The following PCDHA7 variants were observed in gnomAD, a reference collection of about 807,000 sequenced individuals.
PCDHA7 encodes the protein protocadherin alpha-7.
PCDHA7 carries 37 observed loss-of-function variants against 57.2 expected under a neutral mutation model. The ratio of observed to expected loss-of-function variants is 0.65; its 90% CI spans 0.50 to 0.85. PCDHA7 has a LOEUF of 0.85. Ranked by LOEUF, PCDHA7 falls within the 40% of genes least tolerant of loss-of-function variation. The pLI, the probability that PCDHA7 is intolerant of heterozygous loss-of-function variation, is 0.00. For synonymous variants in PCDHA7, 553 were observed against 558.8 expected (o/e 0.99, Z 0.15); for missense variants, 1,188 against 1,241.8 (o/e 0.96, Z 0.65).
chr5:140,870,391 G>A lies in PCDHA7; in HGVS notation c.2355+33653G>A. 1.9e-6 allele frequency: 3 copies of A among 1,614,230 alleles called. No homozygotes were observed. Among genetic ancestry groups the A allele is most frequent in the East Asian group, 2.2e-5 (1 of 44,872 alleles). The stretch of plus-strand genomic sequence containing the variant: ...ACTGGTGGTGACTGCGCGGGATGGG[G>A]GTTCGCCTTCTCTGTGGGCCACGGC... On this transcript the variant is annotated intron_variant, in intron 1 of 3. Transcript: ENST00000525929.
Position 140,848,325 on chromosome 5 carries a change from T to C in PCDHA7, c.2355+11587T>C, listed in dbSNP as rs1279729115. On this transcript the variant is annotated intron_variant, in intron 1 of 3. Transcript: ENST00000525929. Reference sequence around the variant, plus strand: ...TGTCACTCTTTGCCGCGATGTTCTCTCTGAATCCAGACAAATACAGCCCTT... The same window carrying C: ...TGTCACTCTTTGCCGCGATGTTCTCCCTGAATCCAGACAAATACAGCCCTT... The C allele has an allele frequency of 5.0e-6, 4 of 803,094 alleles. 1 individual carries two copies. The highest frequency in any genetic ancestry group is 2.0e-6 in the Non-Finnish European group (1 of 498,510). The allele number at this position is 803,094 out of a possible 1,614,324, so 49.7% of individuals were successfully genotyped here. A position where few individuals can be genotyped will look rare whatever the true frequency, so the allele number is the denominator to read the frequency against.
intron 1 of PCDHA7, among the ~76,000 whole-genome samples, chr5:140,951,423 C>T (rs1324305371): frequency 6.6e-6 from 1 of 152,014 alleles, no homozygotes; most frequent in Non-Finnish European, 1.5e-5. Flanking sequence ...CTCACAGTTC[C>T]ACAGGCTGTA....
chr5:140,985,430 A>T lies in PCDHA7; in HGVS notation c.2503+2867A>T, dbSNP rs1158797076. ...GGAAATGGAGTGAGGAGGATTTATT[A>T]GTTGCTGCCTGAAGAAAAGGGAAAT... On this transcript the variant is annotated intron_variant, in intron 3 of 3. Transcript: ENST00000525929. Among the ~76,000 whole-genome samples the T allele has an allele frequency of 2.6e-5, 4 of 152,186 alleles. 1 individual carries two copies. Among genetic ancestry groups the T allele is most frequent in the Non-Finnish European group, 5.9e-5 (4 of 68,036 alleles).
intron 1 of PCDHA7, chr5:140,883,991 G>C: frequency 6.2e-7 from 1 of 1,612,972 alleles, no homozygotes; most frequent in South Asian, 1.1e-5. Flanking sequence ...CAGCGCGGGA[G>C]GCACAGTGAG....
intron 1 of PCDHA7, among the ~76,000 whole-genome samples, chr5:140,976,011 CTAAA>C (rs2096695708): frequency 6.6e-6 from 1 of 152,110 alleles, no homozygotes; most frequent in African/African-American, 2.4e-5. Context: ...TATTAAAGAA[CTAAA>C]TAATCACAGT....
intron 1 of PCDHA7, among the ~76,000 whole-genome samples, chr5:140,975,613 A>G (rs1482474647): frequency 1.3e-5 from 2 of 152,226 alleles, no homozygotes; most frequent in Non-Finnish European, 2.9e-5. Context: ...TGTCTTCCAC[A>G]TGGATTTCCA....
At chr5:140,941,321 T>C (rs1220701599) in intron 1 of PCDHA7, among the ~76,000 whole-genome samples, 5 of 62,540 alleles carry the variant, frequency 8.0e-5, no homozygotes, top group African/African-American at 2.0e-4. Context: ...TTCTTTCTCT[T>C]TTTTTTTTTT....
intron 1 of PCDHA7, chr5:140,842,164 T>A (rs1246524333): frequency 1.3e-5 from 21 of 1,613,778 alleles, no homozygotes; most frequent in Non-Finnish European, 1.6e-5. Context: ...CATATTCTTT[T>A]AATAGCCTTG....
intron 1 of PCDHA7, chr5:140,927,033 G>A (rs2083768533): frequency 1.2e-6 from 2 of 1,612,344 alleles, no homozygotes; most frequent in Non-Finnish European, 1.7e-6. Flanking sequence ...GGCTGCCAGC[G>A]GCCGCTATGT....
chr5:140,842,564 C>A (rs781893579), intron 1 of PCDHA7: 1 of 1,500,320 alleles, frequency 6.7e-7, no homozygotes, highest in South Asian at 1.2e-5. Flanking sequence ...CGCCCTGGAC[C>A]GCGAGAGAGT....
At chr5:140,928,928 C>T in intron 1 of PCDHA7, 3 of 1,614,130 alleles carry the variant, frequency 1.9e-6, no homozygotes, top group Non-Finnish European at 2.5e-6. Context: ...CAGCTTTCTG[C>T]CCAGAACTTG....
At chr5:140,882,643 C>T in intron 1 of PCDHA7, 1 of 1,614,190 alleles carries the variant, frequency 6.2e-7, no homozygotes, top group Non-Finnish European at 8.5e-7. Context: ...AGGTGAGGGA[C>T]ATTAACGACA....
In PCDHA7 at chr5:140,848,677, C is replaced by A. The variant is rs142354028; in HGVS notation, c.2355+11939C>A. 4.6e-4 allele frequency: 738 copies of A among 1,592,248 alleles called. 63 individuals carry two copies. The East Asian group carries it at 6.0e-3, about 13-fold the overall frequency. ...GGGCTGGAGCTGGCGGAGCTGGTGC[C>A]GCGCCTGTTCCAGTTGGATTCCAAA... On this transcript the variant is annotated intron_variant, in intron 1 of 3. Transcript: ENST00000525929.
intron 1 of PCDHA7, among the ~76,000 whole-genome samples, chr5:140,903,921 G>C (rs1282440912): frequency 6.6e-6 from 1 of 152,198 alleles, no homozygotes; most frequent in African/African-American, 2.4e-5. Flanking sequence ...CTTCCTTGCT[G>C]CATTGGATAA....
intron 1 of PCDHA7, among the ~76,000 whole-genome samples, chr5:140,839,484 G>A (rs1263127603): frequency 1.3e-5 from 2 of 151,800 alleles, no homozygotes; most frequent in African/African-American, 4.8e-5. Context: ...CTGCCTCCTG[G>A]GCTCAAGTGA....
At chr5:140,908,958 T>C (rs555962129) in intron 1 of PCDHA7, among the ~76,000 whole-genome samples, 2 of 152,268 alleles carry the variant, frequency 1.3e-5, no homozygotes, top group East Asian at 3.9e-4. Context: ...AGAAGGAATA[T>C]CTTGATAGGC....
intron 1 of PCDHA7, among the ~76,000 whole-genome samples, chr5:140,944,533 AG>A (rs1276351803): frequency 6.6e-6 from 1 of 152,148 alleles, no homozygotes; most frequent in Non-Finnish European, 1.5e-5. Flanking sequence ...AAATGATTTA[AG>A]TATTTAAAGA....
chr5:140,863,840 G>T (rs2048198603), intron 1 of PCDHA7: 1 of 181,960 alleles, frequency 5.5e-6, no homozygotes, highest in Admixed American at 5.3e-5. Flanking sequence ...CTCTACTAAA[G>T]ATATAAAAAA....
chr5:140,868,952 C>A, intron 1 of PCDHA7: 7 of 1,342,044 alleles, frequency 5.2e-6, no homozygotes, highest in Non-Finnish European at 7.0e-6. Context: ...CAGTGAGGCA[C>A]TCCCATACAA....
Sources: allele counts gnomAD v4.1 joint callset (sites outside exome capture counted in the v4.1 genomes callset), GRCh38; gene constraint gnomAD v4.1.1; transcripts MANE v1.5; gene names NCBI Gene and HGNC (gene_info 2026-07-23, HGNC 2026-07-21).